The following MEP1B variants were observed in gnomAD, a reference collection of about 807,000 sequenced individuals.
MEP1B encodes meprin A subunit beta.
In MEP1B, 80 loss-of-function variants were observed where a neutral mutation model predicts 84.6. The ratio of observed to expected loss-of-function variants is 0.95; its 90% CI spans 0.79 to 1.14. The LOEUF is 1.14. Ranked by LOEUF, MEP1B falls within the 50% of genes most tolerant of loss-of-function variation. MEP1B has a pLI of 0.00. For missense variants in MEP1B, 766 were observed against 855.1 expected (o/e 0.90, Z 1.30); for synonymous variants, 273 against 288.1 (o/e 0.95, Z 0.53).
At chr18:32,218,894 C>T (rs2041122331) in intron 14 of MEP1B, among the ~76,000 whole-genome samples, 1 of 152,200 alleles carries the variant, frequency 6.6e-6, no homozygotes, top group Non-Finnish European at 1.5e-5. Context: ...GCAGCAGTTC[C>T]CTAGCATCCA....
At chr18:32,205,769 G>T (rs1197114278) in intron 7 of MEP1B, among the ~76,000 whole-genome samples, 1 of 151,890 alleles carries the variant, frequency 6.6e-6, no homozygotes, top group Non-Finnish European at 1.5e-5. Flanking sequence ...ATTCATTTTT[G>T]TTTTTTATTA....
chr18:32,214,883 G>A (rs1031762999), intron 11 of MEP1B, among the ~76,000 whole-genome samples, 199 bp from the exon 12 acceptor site: 2 of 152,156 alleles, frequency 1.3e-5, no homozygotes, highest in Non-Finnish European at 2.9e-5. Context: ...GGTCCTCCCT[G>A]CCAGGCAATT....
intron 13 of MEP1B, among the ~76,000 whole-genome samples, chr18:32,217,469 G>A (rs767286192): frequency 3.3e-5 from 5 of 152,068 alleles, no homozygotes; most frequent in Non-Finnish European, 7.4e-5. Flanking sequence ...GGAGGGTGGC[G>A]GGCATGGGAC....
chr18:32,200,555 T>G (rs1394680396), intron 5 of MEP1B, among the ~76,000 whole-genome samples: 5 of 152,192 alleles, frequency 3.3e-5, no homozygotes, highest in Admixed American at 3.3e-4. Flanking sequence ...AGAAAATTAC[T>G]AAGCAAGGCC....
chr18:32,203,923 G>A (rs2040937724), intron 6 of MEP1B, among the ~76,000 whole-genome samples: 1 of 152,152 alleles, frequency 6.6e-6, no homozygotes, highest in Non-Finnish European at 1.5e-5. Flanking sequence ...CAAGCCATGT[G>A]TGGTTCGTCC....
rs767287887 is a variant in MEP1B, at chr18:32,217,118, G to T, written c.1886+1G>T. On this transcript the variant is annotated splice_donor_variant, in intron 13 of 14. Coordinates refer to ENST00000269202, the MANE Select transcript of MEP1B (RefSeq NM_005925.3). LOFTEE classifies it high-confidence loss of function. Reference sequence around the variant, plus strand: ...TTCGAGATGGCAAAGCTGAGTGCAGGTAAGGATGATTTGAAAGAGATCTCT... The same window carrying T: ...TTCGAGATGGCAAAGCTGAGTGCAGTTAAGGATGATTTGAAAGAGATCTCT... 2.5e-6 allele frequency: 4 copies of T among 1,612,700 alleles called. No individual in the cohort carries two copies. The Admixed American group carries it at 5.0e-5, about 20-fold the overall frequency.
At chr18:32,213,988 AC>A (rs1350854607) in intron 11 of MEP1B, among the ~76,000 whole-genome samples, 1 of 152,210 alleles carries the variant, frequency 6.6e-6, no homozygotes, top group Non-Finnish European at 1.5e-5. Context: ...GAGAATTAGT[AC>A]AGGTCAAGTG....
At chr18:32,203,154 G>A in intron 6 of MEP1B, 144 bp downstream of exon 6, 1 of 527,138 alleles carries the variant, frequency 1.9e-6, no homozygotes, top group Non-Finnish European at 3.4e-6. Context: ...AAAACAACTG[G>A]ATCTAGTTTT....
At chr18:32,198,343 G>C (rs911847610) in intron 5 of MEP1B, among the ~76,000 whole-genome samples, 22 of 152,158 alleles carry the variant, frequency 1.4e-4, no homozygotes, top group African/African-American at 5.1e-4. Flanking sequence ...TGCTTCAAGA[G>C]GCTGCTCTCA....
Position 32,195,298 on chromosome 18 carries a change from T to G in MEP1B, c.172-109T>G, listed in dbSNP as rs529746025. The G allele has an allele frequency of 2.7e-5, 18 of 674,868 alleles. No individual in the cohort carries two copies. The South Asian group carries it at 3.4e-4, about 13-fold the overall frequency. 41.8% of individuals were successfully genotyped at this position (674,868 alleles called of 1,614,324 possible). On this transcript the variant is annotated intron_variant, in intron 4 of 14. Transcript: ENST00000269202. The stretch of plus-strand genomic sequence containing the variant: ...CACACACACACACACACAATTTGTT[T>G]GTGCGAACTGGGAGAGCTTTAAACT...
At chr18:32,201,330 A>C (rs979980793) in intron 5 of MEP1B, among the ~76,000 whole-genome samples, 1 of 151,554 alleles carries the variant, frequency 6.6e-6, no homozygotes, top group Non-Finnish European at 1.5e-5. Context: ...ACACACACAC[A>C]CACGGCATAC....
Position 32,204,366 on chromosome 18 carries a change from T to C in MEP1B, c.547+6T>C. ...GTGGGACAGAATTCTGTCAGGTACATTTCTCTTTTTTTCCTATGTTTTTAG... is the reference window on the plus strand; with the variant it reads ...GTGGGACAGAATTCTGTCAGGTACACTTCTCTTTTTTTCCTATGTTTTTAG... On this transcript the variant is annotated splice_donor_region_variant and intron_variant, in intron 7 of 14. Transcript: ENST00000269202. 2 of 1,567,680 alleles carry C rather than the reference T, an allele frequency of 1.3e-6. No individual in the cohort carries two copies. The highest frequency in any genetic ancestry group is 1.7e-6 in the Non-Finnish European group (2 of 1,154,110).
rs764608227 is a variant in MEP1B, at chr18:32,198,949, G to A, written c.250+3464G>A. On this transcript the variant is annotated intron_variant, in intron 5 of 14. Coordinates refer to ENST00000269202, the MANE Select transcript of MEP1B (RefSeq NM_005925.3). ...TTGGGATGCATTTGTTAGATTTAGT[G>A]ATTGACTGTAAGAGGTCAAGAAGAA... is the stretch of plus-strand genomic sequence containing the variant. Among the ~76,000 whole-genome samples the A allele has an allele frequency of 4.9e-4, 75 of 152,148 alleles. 2 individuals carry two copies. The highest frequency in any genetic ancestry group is 1.3e-4 in the Non-Finnish European group (9 of 68,040).
rs2040942519 is a variant in MEP1B at position 32,204,300 on chromosome 18, G to A, written c.487G>A (p.Glu163Lys). The A allele has an allele frequency of 2.5e-6, 4 of 1,603,924 alleles. No individual in the cohort carries two copies. Among genetic ancestry groups the A allele is most frequent in the African/African-American group, 1.3e-5 (1 of 74,818 alleles). ...CCTCCACGCTCTGGGATTCTGGCAT[G>A]AGCAGTCGCGTTCTGACCGGGATGA... is the stretch of plus-strand genomic sequence containing the variant. The part of the protein sequence containing the change: ...EFLHALGFWH[E>K]QSRSDRDDYV... Residue 163 changes from glutamate to lysine, a missense_variant, in exon 7 of 15, where the codon GAG (glutamate) becomes AAG (lysine). Physicochemically the swap from Glu to Lys is moderately conservative, Grantham distance 56. Coordinates refer to ENST00000269202, the MANE Select transcript of MEP1B (RefSeq NM_005925.3).
chr18:32,207,300 T>C lies in MEP1B; in HGVS notation c.596T>C (p.Leu199Pro), dbSNP rs1304602626. ...NTYSDDISDS[L>P]NVPYDYTSVM... ...TATAGTGACGATATATCAGATTCCCTGAATGTTCCCTATGATTACACTTCA... is the reference window on the plus strand; with the variant it reads ...TATAGTGACGATATATCAGATTCCCCGAATGTTCCCTATGATTACACTTCA... The change falls in exon 8 of 15, where the codon CTG becomes CCG. Residue 199 changes from leucine to proline, a missense_variant. Leu to Pro is a moderately conservative substitution (Grantham distance 98). Coordinates refer to ENST00000269202, the MANE Select transcript of MEP1B (RefSeq NM_005925.3). The C allele has an allele frequency of 4.3e-6, 7 of 1,613,156 alleles. No homozygotes were observed. Among genetic ancestry groups the C allele is most frequent in the Non-Finnish European group, 5.9e-6 (7 of 1,179,454 alleles).
chr18:32,196,190 G>T lies in MEP1B; in HGVS notation c.250+705G>T. The T allele has an allele frequency of 1.6e-6, 1 of 642,082 alleles. No individual in the cohort carries two copies. 39.8% of individuals were successfully genotyped at this position (642,082 alleles called of 1,614,324 possible). ...TGTCACTGCGCCACCTCGGCTTTCAGACTCTCCAAGTCTTTTTGGCTGAGA... is the reference window on the plus strand; with the variant it reads ...TGTCACTGCGCCACCTCGGCTTTCATACTCTCCAAGTCTTTTTGGCTGAGA... On this transcript the variant is annotated intron_variant, in intron 5 of 14. Coordinates refer to ENST00000269202, the MANE Select transcript of MEP1B (RefSeq NM_005925.3). This position sits in a 1 kb window ranked among gnomAD's most constrained non-coding sequence, Gnocchi z 4.4.
chr18:32,218,327 T>A (rs1237102996), intron 14 of MEP1B, among the ~76,000 whole-genome samples: 1 of 152,184 alleles, frequency 6.6e-6, no homozygotes, highest in Non-Finnish European at 1.5e-5. Flanking sequence ...GTTTTTGTTC[T>A]AAAGGTCTTG....
intron 8 of MEP1B, 28 bp from the exon 9 acceptor site, chr18:32,208,091 G>A (rs1598893742): frequency 6.2e-7 from 1 of 1,610,024 alleles, no homozygotes; most frequent in Non-Finnish European, 8.5e-7. Context: ...TTGTATGAGT[G>A]TCAATAATTG....
At chr18:32,209,486 C>CAAA (rs1156344556) in intron 9 of MEP1B, among the ~76,000 whole-genome samples, 12,376 of 106,816 alleles carry the variant, frequency 0.12, 779 homozygotes, top group African/African-American at 0.19. Flanking sequence ...GACGTTGTCT[C>CAAA]AAAAAAAAAA....
Sources: gnomAD v4.1 joint callset for allele counts (sites outside exome capture counted in the v4.1 genomes callset) on GRCh38, gnomAD v4.1.1 for gene constraint, Gnocchi (gnomAD v3.1) non-coding constraint, MANE v1.5 for transcripts, NCBI Gene and HGNC (gene_info 2026-07-23, HGNC 2026-07-21) for gene names.